Variants in GRIP1 observed in about 807,000 individuals in gnomAD.
GRIP1 encodes the protein glutamate receptor interacting protein 1, also known as glutamate receptor-interacting protein 1.
In GRIP1, 45 loss-of-function variants were observed where a neutral mutation model predicts 129.9. That is an observed-to-expected ratio of 0.35 (90% CI 0.27 to 0.44). GRIP1 has a LOEUF of 0.44. GRIP1 is among the 20% of genes least tolerant of loss of function. The probability of loss-of-function intolerance (pLI) is 1.00; values close to 1 mark genes in which losing one functional copy is unlikely to be tolerated. For synonymous variants in GRIP1, 530 were observed against 520.8 expected (o/e 1.02, Z -0.24); for missense variants, 1,196 against 1,396.8 (o/e 0.86, Z 2.29).
chr12:66,905,843 A>G (rs576057526), intron 1 of GRIP1, among the ~76,000 whole-genome samples: 2 of 152,352 alleles, frequency 1.3e-5, no homozygotes, highest in Admixed American at 1.3e-4. Context: ...AGTTACCTTA[A>G]TAAAAGCCAT....
chr12:66,665,260 A>T (rs2033731193), intron 1 of GRIP1, among the ~76,000 whole-genome samples: 1 of 152,204 alleles, frequency 6.6e-6, no homozygotes, highest in South Asian at 2.1e-4. Context: ...CTCCCATGGC[A>T]GCCTCCTAAA....
intron 9 of GRIP1, among the ~76,000 whole-genome samples, chr12:66,458,742 T>G (rs563068138): frequency 2.2e-4 from 34 of 152,362 alleles, no homozygotes; most frequent in African/African-American, 8.2e-4. Flanking sequence ...CTCTCTAGTT[T>G]CATCCATATC....
At chr12:67,038,924 A>C (rs935484878) in intron 1 of GRIP1, among the ~76,000 whole-genome samples, 2 of 152,168 alleles carry the variant, frequency 1.3e-5, no homozygotes, top group African/African-American at 4.8e-5. Context: ...CACATGCCCT[A>C]AAGTACTAGG....
chr12:66,460,137 T>A (rs1366648882), intron 9 of GRIP1, among the ~76,000 whole-genome samples: 1 of 152,142 alleles, frequency 6.6e-6, no homozygotes, highest in Non-Finnish European at 1.5e-5. Flanking sequence ...CGTGGTGGAG[T>A]CAGAGGTGAA....
At chr12:66,531,714 CAA>C (rs903715070) in intron 4 of GRIP1, among the ~76,000 whole-genome samples, 1 of 151,198 alleles carries the variant, frequency 6.6e-6, no homozygotes, top group East Asian at 1.9e-4. Flanking sequence ...TTTAATTAAA[CAA>C]AAAAAATTGA....
At chr12:66,704,586 A>T (rs542960087) in intron 1 of GRIP1, among the ~76,000 whole-genome samples, 1 of 152,230 alleles carries the variant, frequency 6.6e-6, no homozygotes, top group South Asian at 2.1e-4. Flanking sequence ...TGTGGTTTTC[A>T]TCTATTAAGT....
At chr12:66,837,969 G>A (rs868443471) in intron 1 of GRIP1, among the ~76,000 whole-genome samples, 2 of 152,106 alleles carry the variant, frequency 1.3e-5, no homozygotes, top group African/African-American at 2.4e-5. Flanking sequence ...CAAGGTGGGC[G>A]GATCACCTGA....
chr12:66,786,289 T>C (rs1398085877), intron 1 of GRIP1, among the ~76,000 whole-genome samples: 1 of 152,056 alleles, frequency 6.6e-6, no homozygotes, highest in Non-Finnish European at 1.5e-5. Flanking sequence ...CATGGTCAGA[T>C]AGAGGAAAGA....
At chr12:66,638,984 A>T (rs1351714251) in intron 1 of GRIP1, among the ~76,000 whole-genome samples, 1 of 152,234 alleles carries the variant, frequency 6.6e-6, no homozygotes, top group Non-Finnish European at 1.5e-5. Flanking sequence ...GGATTAAACA[A>T]TATAATGTAT....
chr12:66,547,213 A>G (rs1247278232), intron 2 of GRIP1, among the ~76,000 whole-genome samples: 1 of 152,228 alleles, frequency 6.6e-6, no homozygotes, highest in Non-Finnish European at 1.5e-5. Flanking sequence ...TAAAAATTAA[A>G]ACTACAATTG....
intron 2 of GRIP1, among the ~76,000 whole-genome samples, chr12:66,542,773 T>C (rs979934373): frequency 6.6e-6 from 1 of 152,188 alleles, no homozygotes; most frequent in Non-Finnish European, 1.5e-5. Flanking sequence ...ATAAATGCTG[T>C]TTTAAAATTA....
intron 1 of GRIP1, among the ~76,000 whole-genome samples, chr12:66,739,729 C>T (rs2036726697): frequency 6.6e-6 from 1 of 151,226 alleles, no homozygotes; most frequent in Non-Finnish European, 1.5e-5. Flanking sequence ...GCACATGTAT[C>T]CCAGAACCTA....
chr12:66,701,262 C>T (rs1414755940), intron 1 of GRIP1, among the ~76,000 whole-genome samples: 1 of 152,172 alleles, frequency 6.6e-6, no homozygotes, highest in African/African-American at 2.4e-5. Context: ...TCATAGCTGC[C>T]TCTTAGCCAT....
intron 1 of GRIP1, among the ~76,000 whole-genome samples, chr12:67,005,085 T>G (rs189733759): frequency 6.6e-6 from 1 of 151,552 alleles, no homozygotes; most frequent in African/African-American, 2.4e-5. Flanking sequence ...AAATATGAAA[T>G]AACTTTTACC....
chr12:66,627,133 C>T (rs2030170666), intron 1 of GRIP1, among the ~76,000 whole-genome samples: 1 of 152,162 alleles, frequency 6.6e-6, no homozygotes, highest in African/African-American at 2.4e-5. Context: ...GTCAAGGTAG[C>T]TCACACTCAC....
chr12:66,489,255 C>A (rs1231111690), intron 7 of GRIP1, among the ~76,000 whole-genome samples: 1 of 152,132 alleles, frequency 6.6e-6, no homozygotes. Flanking sequence ...AATCCAGCAG[C>A]ACACCAAAAG....
rs532262497 is a variant in GRIP1 at position 66,515,608 on chromosome 12, C to T, written c.724+11G>A. 5 of 1,611,382 alleles carry T rather than the reference C, an allele frequency of 3.1e-6. No homozygotes were observed. In the Admixed American group the frequency reaches 8.3e-5, roughly 27 times the overall value. Reference sequence around the variant, plus strand: ...GTGCTTAGAGATCACACCCTCAGGACCCCAACATACCCATTACTGAGACAT... The same window carrying T: ...GTGCTTAGAGATCACACCCTCAGGATCCCAACATACCCATTACTGAGACAT... On this transcript the variant is annotated intron_variant, in intron 7 of 24. Coordinates refer to ENST00000359742, the MANE Select transcript of GRIP1 (RefSeq NM_001366722.1).
chr12:66,606,607 T>G (rs1019183929), intron 1 of GRIP1, among the ~76,000 whole-genome samples: 2 of 152,092 alleles, frequency 1.3e-5, no homozygotes, highest in Non-Finnish European at 2.9e-5. Flanking sequence ...TCACAATAAC[T>G]CAATAAAATG....
At chr12:66,560,008 A>C (rs185999391) in intron 2 of GRIP1, among the ~76,000 whole-genome samples, 108 of 152,272 alleles carry the variant, frequency 7.1e-4, no homozygotes, top group Non-Finnish European at 3.4e-4. Context: ...ACCCAGAAAC[A>C]AATCCATACA....
Sources: allele counts gnomAD v4.1 joint callset (sites outside exome capture counted in the v4.1 genomes callset), GRCh38; gene constraint gnomAD v4.1.1; transcripts MANE v1.5; gene names NCBI Gene and HGNC (gene_info 2026-07-23, HGNC 2026-07-21).